The following GPR132 variants were observed in gnomAD, a reference collection of about 807,000 sequenced individuals.
GPR132 encodes the protein G protein-coupled receptor 132.
In GPR132, 4 loss-of-function variants were observed where a neutral mutation model predicts 1.9. The ratio of observed to expected loss-of-function variants is 2.13; its 90% CI spans 1.05 to 4.87. The LOEUF is 4.87. Among genes scored for constraint, GPR132 ranks in the 30% most tolerant of loss-of-function variants. The probability of loss-of-function intolerance (pLI) is 0.01; values close to 1 mark genes in which losing one functional copy is unlikely to be tolerated. For synonymous variants in GPR132, 233 were observed against 234.2 expected, an observed-to-expected ratio of 0.99 and a Z score of 0.05; for missense variants, 404 against 512.5, an observed-to-expected ratio of 0.79 and a Z score of 2.04.
chr14:105,065,359 C>T lies in GPR132; in HGVS notation c.-861+20G>A, dbSNP rs1052629076. 2.0e-5 allele frequency: 3 copies of T among 152,418 alleles called. No individual in the cohort carries two copies. Among genetic ancestry groups the T allele is most frequent in the South Asian group, 4.1e-4 (2 of 4,834 alleles). 9.4% of individuals were successfully genotyped at this position (152,418 alleles called of 1,614,324 possible). On this transcript the variant is annotated intron_variant, in intron 1 of 3. Coordinates refer to ENST00000329797, the MANE Select transcript of GPR132 (RefSeq NM_013345.4). Reference sequence around the variant, plus strand: ...GGCCCCCCAGGCCCACTCCCCAGCACGCAGAGCCCAGCGACTTACCCAGGG... The same window carrying T: ...GGCCCCCCAGGCCCACTCCCCAGCATGCAGAGCCCAGCGACTTACCCAGGG...
intron 1 of GPR132, among the ~76,000 whole-genome samples, chr14:105,058,280 G>A (rs1178698566): frequency 6.6e-6 from 1 of 152,130 alleles, no homozygotes; most frequent in Non-Finnish European, 1.5e-5. Flanking sequence ...AGGATCGCTT[G>A]AGCCCAGGAG....
chr14:105,055,678 C>T lies in GPR132; in HGVS notation c.-258G>A. 7.7e-6 allele frequency: 4 copies of T among 517,956 alleles called. No homozygotes were observed. Among genetic ancestry groups the T allele is most frequent in the South Asian group, 3.2e-5 (1 of 30,778 alleles). 32.1% of individuals were successfully genotyped at this position (517,956 alleles called of 1,614,324 possible). A position where few individuals can be genotyped will look rare whatever the true frequency, so the allele number is the denominator to read the frequency against. ...GTCCTCAAGCTCCCTCCTGTTGCAGCGTGTGCCAGGATTTCCCTTCCTTTC... is the reference window on the plus strand; with the variant it reads ...GTCCTCAAGCTCCCTCCTGTTGCAGTGTGTGCCAGGATTTCCCTTCCTTTC... On this transcript the variant is annotated 5_prime_UTR_variant, in exon 3 of 4. Coordinates refer to ENST00000329797, the MANE Select transcript of GPR132 (RefSeq NM_013345.4). The surrounding 1 kb of genome is among the most constrained non-coding windows in gnomAD (Gnocchi z 4.7).
Position 105,051,346 on chromosome 14 carries a change from A to G in GPR132, c.791T>C (p.Val264Ala), listed in dbSNP as rs758604476. 7.4e-6 allele frequency: 12 copies of G among 1,613,906 alleles called. No homozygotes were observed. Among genetic ancestry groups the G allele is most frequent in the East Asian group, 6.7e-5 (3 of 44,892 alleles). ...GTAGTAGGAAAAGGCAGCGGCTTTG[A>G]CGAGGAGAACCAGGTGGTACGGGGC... ...CFAPYHLVLL[V>A]KAAAFSYYRG... The change falls in exon 4 of 4, where the codon GTC becomes GCC. Residue 264 changes from valine to alanine, a missense_variant. Transcript: ENST00000329797. The surrounding 1 kb of genome is among the most constrained non-coding windows in gnomAD (Gnocchi z 8.0).
In GPR132 at chr14:105,059,307, G is replaced by A. The variant is rs1156567588; in HGVS notation, c.-860-2027C>T. The stretch of plus-strand genomic sequence containing the variant: ...TCTCTGGAAGCTGCTCAAAAGTGAG[G>A]CAGAACCCAGGGACACCCACACCAA... On this transcript the variant is annotated intron_variant, in intron 1 of 3. Coordinates refer to ENST00000329797, the MANE Select transcript of GPR132 (RefSeq NM_013345.4). This position sits in a 1 kb window ranked among gnomAD's most constrained non-coding sequence, Gnocchi z 4.2. Among the ~76,000 whole-genome samples the A allele has an allele frequency of 6.6e-6, 1 of 152,216 alleles. No homozygotes were observed. Among genetic ancestry groups the A allele is most frequent in the East Asian group, 1.9e-4 (1 of 5,198 alleles).
chr14:105,058,671 G>A (rs544354898), intron 1 of GPR132, among the ~76,000 whole-genome samples: 21 of 152,360 alleles, frequency 1.4e-4, no homozygotes, highest in African/African-American at 1.7e-4. Context: ...GAGGTGTGAC[G>A]TGCACATGGC....
intron 1 of GPR132, among the ~76,000 whole-genome samples, chr14:105,064,409 C>T (rs1887029463): frequency 6.6e-6 from 1 of 152,158 alleles, no homozygotes; most frequent in Non-Finnish European, 1.5e-5. Context: ...TCTCGGCTCA[C>T]TGCAAGCTCC....
Position 105,051,066 on chromosome 14 carries a change from G to A in GPR132, c.1071C>T (p.Tyr357=). ...GTGGGTGCACGGGCCTGGAGAAGGT[G>A]TAGTGGTCTGCAAGGGCCACGGGCG... ...LQSPVALADH[Y]TFSRPVHPPG... Residue 357 remains tyrosine, a synonymous_variant, in exon 4 of 4, where the codon TAC becomes TAT. Transcript: ENST00000329797. The surrounding 1 kb of genome is among the most constrained non-coding windows in gnomAD (Gnocchi z 8.0). 1 of 1,614,180 alleles carries A rather than the reference G, an allele frequency of 6.2e-7. No individual in the cohort carries two copies. Among genetic ancestry groups the A allele is most frequent in the Non-Finnish European group, 8.5e-7 (1 of 1,179,996 alleles).
chr14:105,054,716 C>A (rs1035542922), intron 3 of GPR132, among the ~76,000 whole-genome samples: 11 of 149,300 alleles, frequency 7.4e-5, no homozygotes, highest in African/African-American at 2.7e-4. Flanking sequence ...CAGGTGTGAG[C>A]CACCATGCCA....
chr14:105,056,574 C>T lies in GPR132; in HGVS notation c.-746-408G>A, dbSNP rs567415458. Among the ~76,000 whole-genome samples, 1 of 152,224 alleles carries T rather than the reference C, an allele frequency of 6.6e-6. No homozygotes were observed. The highest frequency in any genetic ancestry group is 1.5e-5 in the Non-Finnish European group (1 of 68,030). Reference sequence around the variant, plus strand: ...CCTCCCCGACTTCCTACGGCTCCCCCACCCCACACATCGTCGCCCGTGCGG... The same window carrying T: ...CCTCCCCGACTTCCTACGGCTCCCCTACCCCACACATCGTCGCCCGTGCGG... On this transcript the variant is annotated intron_variant, in intron 2 of 3. Transcript: ENST00000329797. The surrounding 1 kb of genome is among the most constrained non-coding windows in gnomAD (Gnocchi z 6.0).
chr14:105,051,249 C>T lies in GPR132; in HGVS notation c.888G>A (p.Leu296=), dbSNP rs768567708. 120 of 1,613,424 alleles carry T rather than the reference C, an allele frequency of 7.4e-5. No homozygotes were observed. Among genetic ancestry groups the T allele is most frequent in the Non-Finnish European group, 9.6e-5 (113 of 1,179,468 alleles). ...LYTASVVFLC[L]STVNGVADPI... ...GGTCAGCCACGCCGTTCACCGTGGA[C>T]AGGCACAGAAACACCACAGAGGCTG... The change falls in exon 4 of 4, where the codon CTG becomes CTA. Residue 296 remains leucine, a synonymous_variant. Coordinates refer to ENST00000329797, the MANE Select transcript of GPR132 (RefSeq NM_013345.4). This position sits in a 1 kb window ranked among gnomAD's most constrained non-coding sequence, Gnocchi z 8.0.
intron 1 of GPR132, among the ~76,000 whole-genome samples, chr14:105,062,544 T>C (rs1397574486): frequency 1.0e-4 from 15 of 146,172 alleles, no homozygotes; most frequent in Middle Eastern, 3.5e-3. Context: ...TCTTTTCTTT[T>C]TTTTTTTTTT....
chr14:105,062,044 A>T (rs778747370), intron 1 of GPR132, among the ~76,000 whole-genome samples: 5 of 152,216 alleles, frequency 3.3e-5, no homozygotes, highest in Non-Finnish European at 5.9e-5. Flanking sequence ...TGACAGGCAG[A>T]GGCCCCGCTA....
chr14:105,060,956 A>G lies in GPR132; in HGVS notation c.-860-3676T>C, dbSNP rs1886926058. Among the ~76,000 whole-genome samples the G allele has an allele frequency of 1.3e-5, 2 of 151,960 alleles. No individual in the cohort carries two copies. The highest frequency in any genetic ancestry group is 2.9e-5 in the Non-Finnish European group (2 of 68,036). On this transcript the variant is annotated intron_variant, in intron 1 of 3. Coordinates refer to ENST00000329797, the MANE Select transcript of GPR132 (RefSeq NM_013345.4). This position sits in a 1 kb window ranked among gnomAD's most constrained non-coding sequence, Gnocchi z 6.3. Reference sequence around the variant, plus strand: ...CCAGGCCTGTATGTTGAGAGCAGAGACTAGCCAGGGGCAGAGCCGGAGCCA... The same window carrying G: ...CCAGGCCTGTATGTTGAGAGCAGAGGCTAGCCAGGGGCAGAGCCGGAGCCA...
chr14:105,052,003 AG>A lies in GPR132; in HGVS notation c.133del (p.Leu45TrpfsTer18). 6.2e-7 allele frequency: 1 copy of A among 1,612,598 alleles called. No homozygotes were observed. Among genetic ancestry groups the A allele is most frequent in the Non-Finnish European group, 8.5e-7 (1 of 1,179,964 alleles). Reference sequence around the variant, plus strand: ...GCACACCGCGCTGTACACCACGACCAGGACTATCCTGCTCTCTTCGAAGGAC... The same window carrying A: ...GCACACCGCGCTGTACACCACGACCAGACTATCCTGCTCTCTTCGAAGGAC... ...NVSFEESRIV[L>X]VVVYSAVCTL... On this transcript the variant is annotated frameshift_variant, in exon 4 of 4. Coordinates refer to ENST00000329797, the MANE Select transcript of GPR132 (RefSeq NM_013345.4). LOFTEE classifies it low-confidence loss of function (END_TRUNC).
chr14:105,054,167 T>C (rs1219116372), intron 3 of GPR132: 1 of 1,268,780 alleles, frequency 7.9e-7, no homozygotes, highest in Non-Finnish European at 1.0e-6. Flanking sequence ...CCTCAGCACC[T>C]GACGGACGGA....
chr14:105,056,507 TC>T lies in GPR132; in HGVS notation c.-746-342del, dbSNP rs1886798188. Among the ~76,000 whole-genome samples the T allele has an allele frequency of 1.3e-5, 2 of 151,528 alleles. No homozygotes were observed. Among genetic ancestry groups the T allele is most frequent in the African/African-American group, 4.9e-5 (2 of 41,168 alleles). On this transcript the variant is annotated intron_variant, in intron 2 of 3. Transcript: ENST00000329797. This position sits in a 1 kb window ranked among gnomAD's most constrained non-coding sequence, Gnocchi z 6.0. Reference sequence around the variant, plus strand: ...GCAAGACCCGGGGTGGCCAGAGGGGTCCCTCCCACCTCAGCCTGCACAGAGC... The same window carrying T: ...GCAAGACCCGGGGTGGCCAGAGGGGTCCTCCCACCTCAGCCTGCACAGAGC...
At chr14:105,061,233 G>A (rs984007335) in intron 1 of GPR132, among the ~76,000 whole-genome samples, 5 of 152,252 alleles carry the variant, frequency 3.3e-5, no homozygotes, top group Non-Finnish European at 5.9e-5. Context: ...CTTGGGCGCC[G>A]GGGGAGCCCT....
At chr14:105,057,342 T>C (rs1393242209) in intron 1 of GPR132, 62 bp from the exon 2 acceptor site, 5 of 608,774 alleles carry the variant, frequency 8.2e-6, no homozygotes, top group Non-Finnish European at 1.5e-5. Flanking sequence ...AGTTAACCCA[T>C]TGACAAACGG....
chr14:105,054,142 C>T (rs1380155213), intron 3 of GPR132: 9 of 1,285,744 alleles, frequency 7.0e-6, no homozygotes, highest in African/African-American at 1.5e-5. Flanking sequence ...AGCAGGAAGC[C>T]GCAGACAGAC....
Sources: gnomAD v4.1 joint callset for allele counts (sites outside exome capture counted in the v4.1 genomes callset) on GRCh38, gnomAD v4.1.1 for gene constraint, Gnocchi (gnomAD v3.1) non-coding constraint, MANE v1.5 for transcripts, NCBI Gene and HGNC (gene_info 2026-07-23, HGNC 2026-07-21) for gene names.